Variants in ATP13A4 observed in about 807,000 individuals in gnomAD.
The protein encoded by ATP13A4 is ATPase 13A4.
ATP13A4 carries 114 observed loss-of-function variants against 142.5 expected under a neutral mutation model. The ratio of observed to expected loss-of-function variants is 0.80; its 90% CI spans 0.69 to 0.93. ATP13A4 has a LOEUF of 0.93. Among genes scored for constraint, ATP13A4 ranks in the 40% least tolerant of loss-of-function variants. ATP13A4 has a pLI of 0.00. For synonymous variants in ATP13A4, 488 were observed against 514.8 expected (o/e 0.95, Z 0.70); for missense variants, 1,392 against 1,454.0 (o/e 0.96, Z 0.69).
At chr3:193,427,171 C>T (rs1715712540) in intron 25 of ATP13A4, among the ~76,000 whole-genome samples, 1 of 151,732 alleles carries the variant, frequency 6.6e-6, no homozygotes, top group South Asian at 2.1e-4. Context: ...AACAGAGAAA[C>T]AGCCAAATCA....
chr3:193,469,525 G>C (rs1016111294), intron 9 of ATP13A4, among the ~76,000 whole-genome samples: 1 of 152,142 alleles, frequency 6.6e-6, no homozygotes, highest in African/African-American at 2.4e-5. Flanking sequence ...ACTTGATGGA[G>C]GCCTAGATGA....
intron 25 of ATP13A4, among the ~76,000 whole-genome samples, chr3:193,423,527 T>A (rs1367719779): frequency 6.7e-6 from 1 of 149,668 alleles, no homozygotes; most frequent in East Asian, 2.1e-4. Flanking sequence ...GCAAGGATGG[T>A]TCAACATATT....
intron 2 of ATP13A4, chr3:193,579,139 TA>T: frequency 6.1e-6 from 1 of 162,818 alleles, no homozygotes; most frequent in Non-Finnish European, 1.4e-5. Flanking sequence ...CTCTGTGGCC[TA>T]AGGCAACAGC....
chr3:193,512,062 T>C (rs1038356287), intron 2 of ATP13A4, among the ~76,000 whole-genome samples: 12 of 152,246 alleles, frequency 7.9e-5, no homozygotes, highest in African/African-American at 2.6e-4. Flanking sequence ...AGAGCACGGC[T>C]CAGCTGAGCA....
Position 193,442,558 on chromosome 3 carries a change from T to G in ATP13A4, c.2153-2A>C. ...TTATTGCAGTCTGAAGATTGTCACC[T>G]AGAGGAAAGGAGGAGTATCTCAAGA... On this transcript the variant is annotated splice_acceptor_variant, in intron 18 of 29. Coordinates refer to ENST00000342695, the MANE Select transcript of ATP13A4 (RefSeq NM_032279.4). LOFTEE classifies it high-confidence loss of function. The G allele has an allele frequency of 6.2e-7, 1 of 1,613,058 alleles. No individual in the cohort carries two copies. The highest frequency in any genetic ancestry group is 1.1e-5 in the South Asian group (1 of 91,070).
chr3:193,436,951 A>G (rs1368602202), intron 23 of ATP13A4, among the ~76,000 whole-genome samples: 2 of 148,070 alleles, frequency 1.4e-5, no homozygotes, highest in Non-Finnish European at 3.0e-5. Flanking sequence ...AAAAATGCAA[A>G]AAATTAGCCG....
chr3:193,451,210 G>T (rs1717255828), intron 17 of ATP13A4, among the ~76,000 whole-genome samples: 1 of 152,166 alleles, frequency 6.6e-6, no homozygotes, highest in Non-Finnish European at 1.5e-5. Flanking sequence ...TCATGGTCCT[G>T]GTACTCAGGC....
At chr3:193,589,962 A>G (rs1724733307) in intron 1 of ATP13A4, among the ~76,000 whole-genome samples, 2 of 148,840 alleles carry the variant, frequency 1.3e-5, no homozygotes, top group African/African-American at 2.4e-5. Context: ...CTTTTGCCAA[A>G]AAAAAAAAAA....
At chr3:193,532,671 A>ATT (rs1488975356) in intron 1 of ATP13A4, among the ~76,000 whole-genome samples, 5 of 151,974 alleles carry the variant, frequency 3.3e-5, no homozygotes, top group African/African-American at 1.2e-4. Context: ...AATGTTCATA[A>ATT]TTTTTGATGC....
intron 1 of ATP13A4, among the ~76,000 whole-genome samples, chr3:193,587,436 T>C (rs191717280): frequency 1.3e-5 from 2 of 152,308 alleles, no homozygotes; most frequent in African/African-American, 2.4e-5. Flanking sequence ...TAAGAATATA[T>C]TGGATGGCAT....
intron 29 of ATP13A4, among the ~76,000 whole-genome samples, chr3:193,406,132 C>T (rs769479080): frequency 6.6e-5 from 10 of 152,172 alleles, no homozygotes; most frequent in Non-Finnish European, 1.3e-4. Context: ...AGACACACTG[C>T]GGGTAGGGCT....
chr3:193,566,114 A>T (rs953517176), intron 2 of ATP13A4, among the ~76,000 whole-genome samples: 1 of 152,132 alleles, frequency 6.6e-6, no homozygotes, highest in Non-Finnish European at 1.5e-5. Flanking sequence ...GGAGAAGGCC[A>T]AAGGGCTTTC....
intron 2 of ATP13A4, among the ~76,000 whole-genome samples, chr3:193,511,128 A>T (rs1341179613): frequency 1.3e-5 from 2 of 152,212 alleles, no homozygotes; most frequent in Non-Finnish European, 2.9e-5. Context: ...TCCATTTAAA[A>T]TGACACACAA....
chr3:193,527,578 C>T (rs1341696064), intron 1 of ATP13A4, among the ~76,000 whole-genome samples: 1 of 151,058 alleles, frequency 6.6e-6, no homozygotes, highest in Non-Finnish European at 1.5e-5. Context: ...CGCCACTGCA[C>T]TCCAGCCTGG....
rs139421235 is a variant in ATP13A4 at position 193,410,891 on chromosome 3, A to C, written c.3297+91T>G. ...ATCCCAAAAGAATAATTTGTGTCAA[A>C]AATCATGTCAATTGAAATTGTGATC... On this transcript the variant is annotated intron_variant, in intron 28 of 29. Coordinates refer to ENST00000342695, the MANE Select transcript of ATP13A4 (RefSeq NM_032279.4). The C allele has an allele frequency of 3.3e-4, 285 of 869,260 alleles. 2 individuals are homozygous for C. The East Asian group carries it at 6.9e-3, about 21-fold the overall frequency. The allele number at this position is 869,260 out of a possible 1,614,324, so 53.8% of individuals were successfully genotyped here.
intron 2 of ATP13A4, among the ~76,000 whole-genome samples, chr3:193,510,791 C>A (rs941150951): frequency 6.6e-6 from 1 of 151,762 alleles, no homozygotes; most frequent in South Asian, 2.1e-4. Flanking sequence ...ATCTTACCAG[C>A]GTGAGATTGA....
chr3:193,470,282 C>A (rs1718542535), intron 9 of ATP13A4, among the ~76,000 whole-genome samples: 1 of 152,176 alleles, frequency 6.6e-6, no homozygotes, highest in South Asian at 2.1e-4. Flanking sequence ...TATGAGATAA[C>A]CTCACAGGTC....
At chr3:193,488,366 G>A (rs2108662358) in intron 7 of ATP13A4, among the ~76,000 whole-genome samples, 1 of 152,218 alleles carries the variant, frequency 6.6e-6, no homozygotes, top group South Asian at 2.1e-4. Flanking sequence ...ATAACTAAAA[G>A]TATACAGAAA....
rs74287996 is a variant in ATP13A4, at chr3:193,487,930, T to G, written c.738+1800A>C. 6.7e-3 allele frequency among the ~76,000 whole-genome samples: 1,024 copies of G among 152,108 alleles called. 18 individuals carry two copies. In the East Asian group the frequency reaches 0.08, roughly 12 times the overall value. ...ACGGTACATCTAGAGAAAATGTATT[T>G]GTGCAGATGCAGAAAGATATTTAGG... On this transcript the variant is annotated intron_variant, in intron 7 of 29. Transcript: ENST00000342695.
Sources: gnomAD v4.1 joint callset for allele counts (sites outside exome capture counted in the v4.1 genomes callset) on GRCh38, gnomAD v4.1.1 for gene constraint, MANE v1.5 for transcripts, NCBI Gene and HGNC (gene_info 2026-07-23, HGNC 2026-07-21) for gene names.